The following ARHGAP32 variants were observed in gnomAD, a reference collection of about 807,000 sequenced individuals.
The protein encoded by ARHGAP32 is Rho GTPase activating protein 32.
Under a neutral mutation model 186.5 loss-of-function variants are expected in ARHGAP32, and 51 were observed. The ratio of observed to expected loss-of-function variants is 0.27; its 90% CI spans 0.22 to 0.35. ARHGAP32 has a LOEUF of 0.35. Ranked by LOEUF, ARHGAP32 falls within the 10% of genes least tolerant of loss-of-function variation. The pLI is 1.00. For synonymous variants in ARHGAP32, 950 were observed against 964.3 expected (o/e 0.99, Z 0.27); for missense variants, 2,186 against 2,623.5 (o/e 0.83, Z 3.64).
intron 1 of ARHGAP32, among the ~76,000 whole-genome samples, chr11:129,212,052 G>C (rs1238905484): frequency 6.6e-5 from 10 of 152,150 alleles, no homozygotes. Flanking sequence ...CTACTTGGGG[G>C]ACTGAGGTGG....
Position 128,972,579 on chromosome 11 carries a change from T to G in ARHGAP32, c.3927A>C (p.Thr1309=), listed in dbSNP as rs745904219. The G allele has an allele frequency of 6.2e-7, 1 of 1,601,240 alleles. No homozygotes were observed. The highest frequency in any genetic ancestry group is 1.3e-5 in the African/African-American group (1 of 74,690). Residue 1309 remains threonine, a synonymous_variant, in exon 22 of 23, where the codon ACA becomes ACC. Transcript: ENST00000682385. Reference sequence around the variant, plus strand: ...GATTAGTTCTGTGCGTGCGCTGAAGTGTGGCAGCAGCAAAATCAGCAGTGG... The same window carrying G: ...GATTAGTTCTGTGCGTGCGCTGAAGGGTGGCAGCAGCAAAATCAGCAGTGG... ...QPTTADFAAA[T]LQRTHRTNRP...
chr11:129,029,672 G>A (rs1939016182), intron 11 of ARHGAP32, among the ~76,000 whole-genome samples: 1 of 151,854 alleles, frequency 6.6e-6, no homozygotes, highest in Non-Finnish European at 1.5e-5. Context: ...GCGTGGTGCA[G>A]GCGCCTGTAG....
At chr11:129,173,883 T>C (rs945175777) in intron 1 of ARHGAP32, among the ~76,000 whole-genome samples, 3 of 152,260 alleles carry the variant, frequency 2.0e-5, no homozygotes, top group South Asian at 4.1e-4. Context: ...TGAGGTCTTA[T>C]TCACTTGGGG....
intron 19 of ARHGAP32, among the ~76,000 whole-genome samples, chr11:128,977,759 C>T (rs1454122433): frequency 2.6e-5 from 4 of 152,028 alleles, no homozygotes; most frequent in African/African-American, 9.7e-5. Flanking sequence ...TCACTGCAGC[C>T]TCAACCTCCT....
chr11:129,201,607 G>A (rs1034442416), intron 1 of ARHGAP32, among the ~76,000 whole-genome samples: 2 of 151,990 alleles, frequency 1.3e-5, no homozygotes, highest in African/African-American at 4.8e-5. Flanking sequence ...AAAATCTGAG[G>A]CCAGTGATGA....
intron 6 of ARHGAP32, among the ~76,000 whole-genome samples, chr11:129,068,848 C>T (rs1421571104): frequency 1.3e-5 from 2 of 151,982 alleles, no homozygotes; most frequent in African/African-American, 4.8e-5. Context: ...CTGAGACTGT[C>T]CCCTCAATTT....
At chr11:129,059,173 A>G (rs1416809774) in intron 10 of ARHGAP32, among the ~76,000 whole-genome samples, 1 of 152,214 alleles carries the variant, frequency 6.6e-6, no homozygotes, top group African/African-American at 2.4e-5. Context: ...CTCTTCAGGC[A>G]ATGAGATGGA....
rs1945241627 is a variant in ARHGAP32, at chr11:128,967,236, T to C, written c.*1671A>G. 2 of 152,242 alleles carry C rather than the reference T, an allele frequency of 1.3e-5. No individual in the cohort carries two copies. The highest frequency in any genetic ancestry group is 1.3e-4 in the Admixed American group (2 of 15,288). 9.4% of individuals were successfully genotyped at this position (152,242 alleles called of 1,614,324 possible). ...AAACTGGCATGAATCCTAATCTTTA[T>C]ACAATTTCACAGCAATAATAGCAGC... On this transcript the variant is annotated 3_prime_UTR_variant, in exon 23 of 23. Coordinates refer to ENST00000682385, the MANE Select transcript of ARHGAP32 (RefSeq NM_001378024.1).
intron 1 of ARHGAP32, among the ~76,000 whole-genome samples, chr11:129,171,142 T>C (rs1421470039): frequency 6.6e-6 from 1 of 152,232 alleles, no homozygotes; most frequent in Non-Finnish European, 1.5e-5. Flanking sequence ...TGATGATAAG[T>C]TTCTTTGGCT....
At chr11:129,194,691 T>C (rs1414269994), upstream of ARHGAP32, among the ~76,000 whole-genome samples, 5 of 151,668 alleles carry the variant, frequency 3.3e-5, no homozygotes, top group African/African-American at 1.2e-4. Context: ...TGGAGATTGT[T>C]GCAGTGAGCC....
chr11:128,969,479 G>T lies in ARHGAP32; in HGVS notation c.5734C>A (p.Pro1912Thr), dbSNP rs1205669423. 2.5e-6 allele frequency: 4 copies of T among 1,614,072 alleles called. No homozygotes were observed. The highest frequency in any genetic ancestry group is 3.4e-6 in the Non-Finnish European group (4 of 1,180,036). Reference sequence around the variant, plus strand: ...TAATCTAACTGGCCAGCTCCCTGGGGATAAGGGGGCCCATTCTTTGACTCA... The same window carrying T: ...TAATCTAACTGGCCAGCTCCCTGGGTATAAGGGGGCCCATTCTTTGACTCA... ...FCESKNGPPY[P>T]QGAGQLDYGS... Residue 1912 changes from proline to threonine, a missense_variant, in exon 23 of 23, where the codon CCC becomes ACC. Physicochemically the swap from Pro to Thr is conservative, Grantham distance 38. Around this residue, in one of 5 missense-constraint regions of ARHGAP32, gnomAD observed 1,502 missense variants for 1,570.0 expected, o/e 0.96. Coordinates refer to ENST00000682385, the MANE Select transcript of ARHGAP32 (RefSeq NM_001378024.1). This position sits in a 1 kb window ranked among gnomAD's most constrained non-coding sequence, Gnocchi z 4.8.
At chr11:128,982,018 A>C in intron 15 of ARHGAP32, 82 bp from the exon 16 acceptor site, 1 of 844,360 alleles carries the variant, frequency 1.2e-6, no homozygotes, top group Non-Finnish European at 1.8e-6. Flanking sequence ...TTAATTCCTA[A>C]GTTTGCAATA....
Position 129,078,027 on chromosome 11 carries a change from T to C in ARHGAP32, c.532-11159A>G, listed in dbSNP as rs376333893. ...CATAACAAGCATTCAAAAAACCCAG[T>C]ATGCTAAACAGAACAACCAAGGACC... On this transcript the variant is annotated intron_variant, in intron 6 of 22. Transcript: ENST00000682385. Among the ~76,000 whole-genome samples the C allele has an allele frequency of 2.8e-3, 432 of 152,236 alleles. 6 individuals are homozygous for C. In the South Asian group the frequency reaches 0.044, roughly 16 times the overall value.
Position 128,980,710 on chromosome 11 carries a change from G to A in ARHGAP32, c.1819C>T (p.Pro607Ser), listed in dbSNP as rs1280146684. The A allele has an allele frequency of 1.2e-6, 2 of 1,613,780 alleles. No individual in the cohort carries two copies. The highest frequency in any genetic ancestry group is 2.2e-5 in the South Asian group (2 of 91,002). ...SRPKSLLVSSPSTKLLTLEEA... is the reference protein window; with the variant it reads ...SRPKSLLVSSSSTKLLTLEEA... Reference sequence around the variant, plus strand: ...TCCAATGTCAGCAGTTTGGTGGATGGAGAGGATACCAGGAGGGACTTGGGC... The same window carrying A: ...TCCAATGTCAGCAGTTTGGTGGATGAAGAGGATACCAGGAGGGACTTGGGC... The change falls in exon 18 of 23, where the codon CCA becomes TCA. Residue 607 changes from proline (P) to serine (S), a missense_variant. Pro to Ser is a moderately conservative substitution (Grantham distance 74). Transcript: ENST00000682385.
At chr11:129,080,825 T>G (rs1941197829) in intron 6 of ARHGAP32, among the ~76,000 whole-genome samples, 1 of 151,546 alleles carries the variant, frequency 6.6e-6, no homozygotes, top group Admixed American at 6.6e-5. Context: ...AGCTGGTTCT[T>G]TGAAAAGATA....
At chr11:128,976,810 A>G (rs1945556513) in intron 19 of ARHGAP32, among the ~76,000 whole-genome samples, 176 bp from the exon 20 acceptor site, 1 of 152,202 alleles carries the variant, frequency 6.6e-6, no homozygotes, top group Admixed American at 6.5e-5. Flanking sequence ...ACAGCAATTT[A>G]GTACTCTATT....
intron 6 of ARHGAP32, among the ~76,000 whole-genome samples, chr11:129,070,848 CTG>C (rs1177875998): frequency 6.6e-6 from 1 of 151,900 alleles, no homozygotes; most frequent in Non-Finnish European, 1.5e-5. Context: ...AGGTGAAAAA[CTG>C]TATCTTCTTT....
At position 129,244,212 on chromosome 11, in the gene ARHGAP32, G is replaced by A. The variant is rs1163236013; in HGVS notation, c.-5+34934C>T. 2.0e-5 allele frequency among the ~76,000 whole-genome samples: 3 copies of A among 152,264 alleles called. No homozygotes were observed. In the East Asian group the frequency reaches 5.8e-4, roughly 29 times the overall value. On this transcript the variant is annotated intron_variant, in intron 1 of 6. Coordinates refer to the ARHGAP32 transcript ENST00000525234. ...TCCATTTTGCAGATAAGAAAACTGA[G>A]TCAGAGTGAGAACCCTGTCTCAGAA...
chr11:129,188,702 C>A (rs1050914308), intron 1 of ARHGAP32, among the ~76,000 whole-genome samples: 13 of 151,728 alleles, frequency 8.6e-5, no homozygotes, highest in Non-Finnish European at 1.6e-4. Flanking sequence ...TTGTCCCCCC[C>A]AATTAAAATA....
Sources: allele counts gnomAD v4.1 joint callset (sites outside exome capture counted in the v4.1 genomes callset), GRCh38; gene constraint gnomAD v4.1.1; regional missense constraint gnomAD v4.1.1; non-coding constraint Gnocchi (gnomAD v3.1); transcripts MANE v1.5; gene names NCBI Gene and HGNC (gene_info 2026-07-23, HGNC 2026-07-21).